Variants in ADAMTSL1 observed in about 807,000 individuals in gnomAD.
ADAMTSL1 encodes ADAMTS like 1, also known as ADAMTS-like protein 1.
In ADAMTSL1, 126 loss-of-function variants were observed where a neutral mutation model predicts 201.8. That is an observed-to-expected ratio of 0.62 (90% CI 0.54 to 0.72). The LOEUF is 0.72. ADAMTSL1 is among the 30% of genes least tolerant of loss of function. ADAMTSL1 has a pLI of 0.00. For synonymous variants in ADAMTSL1, 1,121 were observed against 903.4 expected (o/e 1.24, Z -4.32); for missense variants, 2,679 against 2,277.8 (o/e 1.18, Z -3.59).
intron 26 of ADAMTSL1, among the ~76,000 whole-genome samples, chr9:18,903,850 TG>T (rs1830144427): frequency 6.7e-6 from 1 of 149,276 alleles, no homozygotes; most frequent in East Asian, 1.9e-4. Context: ...GACCTTTGGT[TG>T]AAAAAAAAAA....
chr9:18,280,982 C>G (rs1294128004), intron 2 of ADAMTSL1, among the ~76,000 whole-genome samples: 2 of 150,148 alleles, frequency 1.3e-5, no homozygotes, highest in East Asian at 2.0e-4. Context: ...TTCAAGTGAT[C>G]CTTCCGCCTC....
intron 2 of ADAMTSL1, among the ~76,000 whole-genome samples, chr9:18,369,235 TCA>T (rs970111238): frequency 6.6e-6 from 1 of 152,228 alleles, no homozygotes; most frequent in African/African-American, 2.4e-5. Context: ...CAACTCGACC[TCA>T]CAGCTCTCTA....
intron 2 of ADAMTSL1, among the ~76,000 whole-genome samples, chr9:18,467,124 A>G (rs577718065): frequency 3.7e-4 from 56 of 152,318 alleles, no homozygotes; most frequent in African/African-American, 1.3e-3. Flanking sequence ...AGAGTTTGTA[A>G]TCTTGATATT....
intron 1 of ADAMTSL1, among the ~76,000 whole-genome samples, chr9:18,023,032 G>A (rs145930908): frequency 5.9e-4 from 89 of 152,114 alleles, no homozygotes; most frequent in Non-Finnish European, 9.7e-4. Flanking sequence ...GTGTGTGTTT[G>A]AGACTTATCC....
At chr9:18,194,308 A>C (rs1055927275) in intron 2 of ADAMTSL1, among the ~76,000 whole-genome samples, 2 of 152,142 alleles carry the variant, frequency 1.3e-5, no homozygotes, top group African/African-American at 4.8e-5. Flanking sequence ...GCAGAAAGGA[A>C]GACACCAGTA....
intron 20 of ADAMTSL1, among the ~76,000 whole-genome samples, chr9:18,798,665 G>C (rs1822581444): frequency 6.6e-6 from 1 of 152,172 alleles, no homozygotes; most frequent in Admixed American, 6.5e-5. Context: ...TGGATTCAGA[G>C]CAAGGGAGAT....
At chr9:18,752,730 C>G (rs898073369) in intron 15 of ADAMTSL1, among the ~76,000 whole-genome samples, 2 of 152,222 alleles carry the variant, frequency 1.3e-5, no homozygotes, top group African/African-American at 2.4e-5. Context: ...GATGGAGCAG[C>G]CTTCATTTCT....
chr9:18,370,074 G>C (rs567666353), intron 2 of ADAMTSL1, among the ~76,000 whole-genome samples: 3 of 152,284 alleles, frequency 2.0e-5, no homozygotes, highest in African/African-American at 7.2e-5. Context: ...GAGATGAGGA[G>C]TTTGAGACCA....
chr9:18,210,838 G>C (rs1407606772), intron 2 of ADAMTSL1, among the ~76,000 whole-genome samples: 1 of 151,638 alleles, frequency 6.6e-6, no homozygotes, highest in Non-Finnish European at 1.5e-5. Context: ...TTGAGTGCCT[G>C]GCCAGGTATT....
At chr9:18,502,924 AAAT>A (rs1286214530) in intron 1 of ADAMTSL1, among the ~76,000 whole-genome samples, 1 of 152,054 alleles carries the variant, frequency 6.6e-6, no homozygotes, top group Non-Finnish European at 1.5e-5. Context: ...AATAATTAAT[AAAT>A]AATGTTAAAT....
intron 20 of ADAMTSL1, among the ~76,000 whole-genome samples, chr9:18,800,992 G>C (rs1822759936): frequency 6.6e-6 from 1 of 152,096 alleles, no homozygotes; most frequent in Admixed American, 6.5e-5. Flanking sequence ...AAAAATATCT[G>C]AATATTGAAA....
intron 19 of ADAMTSL1, 95 bp downstream of exon 19, chr9:18,778,001 G>T (rs1821163931): frequency 2.0e-6 from 3 of 1,471,016 alleles, no homozygotes; most frequent in Non-Finnish European, 2.7e-6. Flanking sequence ...GTGTTTCCAG[G>T]GGTAGGGCTT....
chr9:18,061,439 TTCTC>T (rs1349121682), intron 1 of ADAMTSL1, among the ~76,000 whole-genome samples: 1 of 152,192 alleles, frequency 6.6e-6, no homozygotes, highest in African/African-American at 2.4e-5. Context: ...TATGAACTCT[TTCTC>T]TATGTCACAA....
intron 20 of ADAMTSL1, among the ~76,000 whole-genome samples, chr9:18,804,906 G>T (rs1264177881): frequency 2.0e-5 from 3 of 152,134 alleles, no homozygotes; most frequent in African/African-American, 7.2e-5. Flanking sequence ...AATACAATTT[G>T]CTCAGTTTAG....
intron 1 of ADAMTSL1, among the ~76,000 whole-genome samples, chr9:18,158,277 C>T (rs924032464): frequency 5.9e-5 from 9 of 152,010 alleles, no homozygotes; most frequent in Admixed American, 1.3e-4. Context: ...TCTTATAAAC[C>T]TCCAGAGTAT....
chr9:18,126,600 T>C (rs953489317), intron 1 of ADAMTSL1, among the ~76,000 whole-genome samples: 9 of 152,164 alleles, frequency 5.9e-5, no homozygotes, highest in African/African-American at 1.9e-4. Context: ...AATCAGCTGA[T>C]GTCATTTGGA....
At chr9:18,849,401 C>T (rs1826341466) in intron 23 of ADAMTSL1, among the ~76,000 whole-genome samples, 1 of 152,174 alleles carries the variant, frequency 6.6e-6, no homozygotes, top group Non-Finnish European at 1.5e-5. Flanking sequence ...CAAACAATGA[C>T]AGTTAGTGAA....
chr9:18,306,280 T>G (rs773732342), intron 2 of ADAMTSL1, among the ~76,000 whole-genome samples: 24 of 152,146 alleles, frequency 1.6e-4, no homozygotes, highest in African/African-American at 3.1e-4. Flanking sequence ...TCAGAATGCT[T>G]CTTCTCCTCC....
rs183842719 is a variant in ADAMTSL1 at position 18,602,518 on chromosome 9, T to C, written c.475-19725T>C. Among the ~76,000 whole-genome samples, 49 of 152,320 alleles carry C rather than the reference T, an allele frequency of 3.2e-4. 1 individual carries two copies. Among genetic ancestry groups the C allele is most frequent in the Admixed American group, 2.3e-3 (35 of 15,290 alleles). On this transcript the variant is annotated intron_variant, in intron 4 of 28. Coordinates refer to ENST00000380548, the MANE Select transcript of ADAMTSL1 (RefSeq NM_001040272.6). ...TTCAAGCCCCAGACTGGGCTTCTAA[T>C]CTGGTTCTGATTTTGGGGGGACTTG...
Sources: allele counts gnomAD v4.1 joint callset (sites outside exome capture counted in the v4.1 genomes callset), GRCh38; gene constraint gnomAD v4.1.1; transcripts MANE v1.5; gene names NCBI Gene and HGNC (gene_info 2026-07-23, HGNC 2026-07-21).